The following AKR1B1 variants were observed in gnomAD, a reference collection of about 807,000 sequenced individuals.
AKR1B1 encodes aldo-keto reductase family 1 member B1.
In AKR1B1, 22 loss-of-function variants were observed where a neutral mutation model predicts 40.4. The observed-to-expected ratio is 0.54, with a 90% CI of 0.39 to 0.78. The LOEUF (loss-of-function observed/expected upper bound fraction) is 0.78. Ranked by LOEUF, AKR1B1 falls within the 30% of genes least tolerant of loss-of-function variation. The pLI is 0.00. For synonymous variants in AKR1B1, 157 were observed against 149.9 expected (o/e 1.05, Z -0.35); for missense variants, 357 against 396.7 (o/e 0.90, Z 0.85).
At chr7:134,451,501 T>C (rs1806286090) in intron 2 of AKR1B1, 85 bp downstream of exon 2, 1 of 1,494,212 alleles carries the variant, frequency 6.7e-7, no homozygotes, top group Admixed American at 1.7e-5. Context: ...AGTGTAGCTG[T>C]ATTGAGTGTG....
intron 1 of AKR1B1, 172 bp from the exon 2 acceptor site, chr7:134,451,925 T>C: frequency 1.4e-6 from 1 of 716,966 alleles, no homozygotes; most frequent in Non-Finnish European, 2.4e-6. Context: ...ACGCGGGGGA[T>C]GGAAGTGAAA....
In AKR1B1 at chr7:134,459,006, A is replaced by T. The variant is rs765791022; in HGVS notation, c.57T>A (p.Gly19=). The T allele has an allele frequency of 8.0e-5, 128 of 1,608,216 alleles. No homozygotes were observed. The highest frequency in any genetic ancestry group is 1.1e-4 in the Non-Finnish European group (126 of 1,177,848). ...NGAKMPILGL[G]TWKSPPGQVT... is the part of the protein sequence containing the mutation. ...CCCCACGAGCACCTACCTTCCAGGT[A>T]CCCAACCCCAGGATGGGCATCTTGG... The change falls in exon 1 of 10, where the codon GGT becomes GGA. Residue 19 remains glycine, a synonymous_variant. Transcript: ENST00000285930.
intron 1 of AKR1B1, among the ~76,000 whole-genome samples, chr7:134,453,121 A>C (rs1436168656): frequency 1.3e-5 from 2 of 152,180 alleles, no homozygotes; most frequent in Non-Finnish European, 2.9e-5. Context: ...GGGAGAGCAG[A>C]GGACATCCCT....
At chr7:134,456,801 A>C (rs181952840) in intron 1 of AKR1B1, among the ~76,000 whole-genome samples, 3 of 152,322 alleles carry the variant, frequency 2.0e-5, no homozygotes, top group Admixed American at 2.0e-4. Context: ...TTTCTCAATG[A>C]ACTCTGTCTA....
chr7:134,459,162 G>C (rs1003384379), upstream of AKR1B1: 120 of 1,424,182 alleles, frequency 8.4e-5, no homozygotes, highest in Non-Finnish European at 1.1e-4. Flanking sequence ...GGCGCCTGCG[G>C]TTGGCGCGCC....
At position 134,454,858 on chromosome 7, in the gene AKR1B1, G is replaced by A. The variant is rs549725912; in HGVS notation, c.67-3105C>T. ...GCAGAAATTAACTTCCTCCTGTTCT[G>A]TTTTAATCAATTTGTCCCAAATTCT... On this transcript the variant is annotated intron_variant, in intron 1 of 9. Transcript: ENST00000285930. Among the ~76,000 whole-genome samples the A allele has an allele frequency of 7.2e-5, 11 of 152,308 alleles. 1 individual carries two copies. The South Asian group carries it at 2.3e-3, about 32-fold the overall frequency.
intron 1 of AKR1B1, among the ~76,000 whole-genome samples, chr7:134,452,085 C>T (rs1207321945): frequency 2.0e-5 from 3 of 152,216 alleles, no homozygotes; most frequent in Admixed American, 6.5e-5. Flanking sequence ...TTTCCCCACA[C>T]TCTGAATGCT....
chr7:134,444,413 C>A (rs113563561), intron 9 of AKR1B1, among the ~76,000 whole-genome samples: 2,487 of 152,326 alleles, frequency 0.016, 63 homozygotes, highest in African/African-American at 0.057. Context: ...GCAGTGCAAA[C>A]TCCGGGGAGG....
In AKR1B1 at chr7:134,448,499, A is replaced by G. The variant is rs1411974712; in HGVS notation, c.553-6T>C. The stretch of plus-strand genomic sequence containing the variant: ...AGATATGGGTGGCACTCAATCTGCA[A>G]ATGCAAAAACAAGAGCTGATGGGAG... On this transcript the variant is annotated splice_region_variant and splice_polypyrimidine_tract_variant and intron_variant, in intron 5 of 9. Coordinates refer to ENST00000285930, the MANE Select transcript of AKR1B1 (RefSeq NM_001628.4). The G allele has an allele frequency of 3.7e-6, 6 of 1,610,746 alleles. No individual in the cohort carries two copies. In the Admixed American group the frequency reaches 8.3e-5, roughly 22 times the overall value.
chr7:134,443,471 G>A (rs750334923), intron 9 of AKR1B1, among the ~76,000 whole-genome samples: 3 of 152,110 alleles, frequency 2.0e-5, no homozygotes, highest in Admixed American at 6.6e-5. Context: ...GATAAGAGAA[G>A]CAACGGCAAG....
chr7:134,449,712 T>TG lies in AKR1B1; in HGVS notation c.429+7dup. The TG allele has an allele frequency of 6.2e-7, 1 of 1,611,296 alleles. No individual in the cohort carries two copies. The highest frequency in any genetic ancestry group is 8.5e-7 in the Non-Finnish European group (1 of 1,177,400). On this transcript the variant is annotated splice_region_variant and intron_variant, in intron 4 of 9. Coordinates refer to ENST00000285930, the MANE Select transcript of AKR1B1 (RefSeq NM_001628.4). ...ACGAAAACAAGGTCCAACCAGGGGCTGTCTTACCGCCCACGTGTCCAGAAT... is the reference window on the plus strand; with the variant it reads ...ACGAAAACAAGGTCCAACCAGGGGCTGGTCTTACCGCCCACGTGTCCAGAAT...
At chr7:134,457,575 C>T (rs1272428472) in intron 1 of AKR1B1, among the ~76,000 whole-genome samples, 2 of 152,202 alleles carry the variant, frequency 1.3e-5, no homozygotes, top group South Asian at 2.1e-4. Context: ...TAATTTTCAA[C>T]AGCAGGTTTT....
At position 134,452,310 on chromosome 7, in the gene AKR1B1, T is replaced by C. The variant is rs553337063; in HGVS notation, c.67-557A>G. Among the ~76,000 whole-genome samples, 3 of 152,306 alleles carry C rather than the reference T, an allele frequency of 2.0e-5. No homozygotes were observed. In the South Asian group the frequency reaches 6.2e-4, roughly 32 times the overall value. ...AAGTTAAGCACATCACTGATGTTTA[T>C]TCAAAGGCCCATGTGTCAATTCTCA... On this transcript the variant is annotated intron_variant, in intron 1 of 9. Transcript: ENST00000285930.
Position 134,449,710 on chromosome 7 carries a change from G to C in AKR1B1, c.429+10C>G, listed in dbSNP as rs966678667. On this transcript the variant is annotated intron_variant, in intron 4 of 9. Transcript: ENST00000285930. ...TCACGAAAACAAGGTCCAACCAGGGGCTGTCTTACCGCCCACGTGTCCAGA... is the reference window on the plus strand; with the variant it reads ...TCACGAAAACAAGGTCCAACCAGGGCCTGTCTTACCGCCCACGTGTCCAGA... 2 of 1,611,752 alleles carry C rather than the reference G, an allele frequency of 1.2e-6. No homozygotes were observed. Among genetic ancestry groups the C allele is most frequent in the Admixed American group, 1.7e-5 (1 of 60,010 alleles).
At chr7:134,453,052 A>G (rs984213370) in intron 1 of AKR1B1, among the ~76,000 whole-genome samples, 1 of 152,198 alleles carries the variant, frequency 6.6e-6, no homozygotes, top group African/African-American at 2.4e-5. Flanking sequence ...ATTTCCAGAA[A>G]GAATGCCTTA....
At chr7:134,445,121 A>G in intron 9 of AKR1B1, 117 bp downstream of exon 9, 1 of 936,838 alleles carries the variant, frequency 1.1e-6, no homozygotes, top group Non-Finnish European at 1.7e-6. Context: ...GTAATGTGCA[A>G]AGCAAGAACA....
chr7:134,449,413 C>T (rs943116225), intron 4 of AKR1B1: 20 of 553,868 alleles, frequency 3.6e-5, no homozygotes, highest in South Asian at 1.0e-4. Flanking sequence ...GGTGAAACCC[C>T]GTCTCTACTA....
chr7:134,448,841 A>G (rs1806190978), intron 5 of AKR1B1, among the ~76,000 whole-genome samples, 156 bp downstream of exon 5: 1 of 152,076 alleles, frequency 6.6e-6, no homozygotes, highest in Admixed American at 6.5e-5. Context: ...CCTCTCCCAG[A>G]TGTGCTGTGT....
intron 9 of AKR1B1, among the ~76,000 whole-genome samples, chr7:134,443,558 T>C (rs1806003967): frequency 6.6e-6 from 1 of 151,502 alleles, no homozygotes; most frequent in Non-Finnish European, 1.5e-5. Context: ...CGATTTTATA[T>C]TGGAAACAGG....
Sources: allele counts gnomAD v4.1 joint callset (sites outside exome capture counted in the v4.1 genomes callset), GRCh38; gene constraint gnomAD v4.1.1; transcripts MANE v1.5; gene names NCBI Gene and HGNC (gene_info 2026-07-23, HGNC 2026-07-21).